CSMD1: variants seen among roughly 807,000 people sequenced by gnomAD.
CSMD1 encodes the protein CUB and Sushi multiple domains 1.
CSMD1 carries 213 observed loss-of-function variants against 417.5 expected under a neutral mutation model. The observed-to-expected ratio is 0.51, with a 90% CI of 0.46 to 0.57. CSMD1 has a LOEUF of 0.57. Among genes scored for constraint, CSMD1 ranks in the 20% least tolerant of loss-of-function variants. The probability of loss-of-function intolerance (pLI) is 0.00; values close to 1 mark genes in which losing one functional copy is unlikely to be tolerated. For missense variants in CSMD1, 6,923 were observed against 4,529.7 expected, an observed-to-expected ratio of 1.53 and a Z score of -15.17; for synonymous variants, 2,862 against 1,736.8, an observed-to-expected ratio of 1.65 and a Z score of -16.11.
chr8:3,456,720 T>A (rs544240713), intron 12 of CSMD1, among the ~76,000 whole-genome samples: 25 of 152,192 alleles, frequency 1.6e-4, no homozygotes, highest in African/African-American at 6.0e-4. Flanking sequence ...GACGAAATAT[T>A]TGGAGCTGTT....
At chr8:4,710,130 G>T (rs1443424420) in intron 1 of CSMD1, among the ~76,000 whole-genome samples, 2 of 151,992 alleles carry the variant, frequency 1.3e-5, no homozygotes, top group African/African-American at 2.4e-5. Flanking sequence ...TCGCCTGGAG[G>T]TTATTCTAAG....
chr8:3,092,646 C>T (rs17079315), intron 47 of CSMD1, among the ~76,000 whole-genome samples: 34,640 of 152,102 alleles, frequency 0.23, 4,270 homozygotes, highest in East Asian at 0.35. Flanking sequence ...GTTTTAAAAA[C>T]GTTGAGACAA....
intron 11 of CSMD1, 39 bp downstream of exon 11, chr8:3,493,584 G>T (rs776375599): frequency 1.3e-6 from 2 of 1,531,576 alleles, no homozygotes; most frequent in Non-Finnish European, 8.9e-7. Context: ...GCCCCGCACT[G>T]CATGCATAAG....
rs190332376 is a variant in CSMD1 at position 4,850,528 on chromosome 8, T to A, written c.85+143804A>T. Reference sequence around the variant, plus strand: ...TATTTTCCAAAATCTTCCATTTCCCTCCTTTGCACCACTCCTCCCCCAGCA... The same window carrying A: ...TATTTTCCAAAATCTTCCATTTCCCACCTTTGCACCACTCCTCCCCCAGCA... On this transcript the variant is annotated intron_variant, in intron 1 of 69. Transcript: ENST00000635120. Among the ~76,000 whole-genome samples, 31 of 151,958 alleles carry A rather than the reference T, an allele frequency of 2.0e-4. No homozygotes were observed. The South Asian group carries it at 2.1e-3, about 10-fold the overall frequency.
chr8:2,950,416 G>A lies in CSMD1; in HGVS notation c.10202-73C>T, dbSNP rs371863339. 8.2e-5 allele frequency: 71 copies of A among 861,274 alleles called. No homozygotes were observed. In the East Asian group the frequency reaches 1.2e-3, roughly 15 times the overall value. The allele number at this position is 861,274 out of a possible 1,614,324, so 53.4% of individuals were successfully genotyped here. On this transcript the variant is annotated intron_variant, in intron 66 of 69. Transcript: ENST00000635120. ...TTCAGCCCTTTAATCCATTTGATGT[G>A]GAATGTGGTACGGAGATGATAATAT...
intron 5 of CSMD1, among the ~76,000 whole-genome samples, chr8:3,996,027 A>G (rs1815186259): frequency 2.0e-5 from 3 of 152,204 alleles, no homozygotes; most frequent in African/African-American, 4.8e-5. Context: ...AGGATGATCA[A>G]TTGTTGCCAT....
At chr8:3,765,087 C>T (rs1343419683) in intron 5 of CSMD1, among the ~76,000 whole-genome samples, 1 of 152,136 alleles carries the variant, frequency 6.6e-6, no homozygotes, top group African/African-American at 2.4e-5. Context: ...AGCTTTCAAA[C>T]ACCCTTAAAA....
intron 41 of CSMD1, among the ~76,000 whole-genome samples, chr8:3,139,998 G>A (rs1158349645): frequency 6.7e-6 from 1 of 150,220 alleles, no homozygotes; most frequent in Non-Finnish European, 1.5e-5. Context: ...CGCCTCCCGA[G>A]TTCAAGTGAT....
intron 5 of CSMD1, among the ~76,000 whole-genome samples, chr8:3,996,594 A>T (rs1815241188): frequency 6.6e-6 from 1 of 152,174 alleles, no homozygotes; most frequent in Non-Finnish European, 1.5e-5. Context: ...ACATAGCGAG[A>T]TAGGTAATAA....
chr8:4,044,821 G>C (rs576688824), intron 3 of CSMD1, among the ~76,000 whole-genome samples: 1 of 127,706 alleles, frequency 7.8e-6, no homozygotes, highest in Admixed American at 7.7e-5. Flanking sequence ...AACCATCCTC[G>C]ATGAGTAGCA....
intron 46 of CSMD1, among the ~76,000 whole-genome samples, chr8:3,098,048 A>T (rs1211123396): frequency 6.6e-6 from 1 of 152,238 alleles, no homozygotes; most frequent in Non-Finnish European, 1.5e-5. Context: ...AAAGCAAAAC[A>T]CTAGAGTCTC....
At chr8:3,818,466 C>G (rs1225686832) in intron 5 of CSMD1, among the ~76,000 whole-genome samples, 1 of 152,150 alleles carries the variant, frequency 6.6e-6, no homozygotes. Context: ...CCAGTGAGCT[C>G]AATGCATGTG....
chr8:3,094,208 T>C (rs890528900), intron 47 of CSMD1, among the ~76,000 whole-genome samples: 2 of 152,096 alleles, frequency 1.3e-5, no homozygotes, highest in Admixed American at 6.5e-5. Flanking sequence ...TGGGCTCAAA[T>C]GATTCTCTTG....
At chr8:4,023,427 G>A (rs553642362) in intron 4 of CSMD1, among the ~76,000 whole-genome samples, 3 of 152,206 alleles carry the variant, frequency 2.0e-5, no homozygotes, top group Middle Eastern at 3.4e-3. Context: ...AATAATTGAG[G>A]CAAAGCCAGC....
intron 2 of CSMD1, among the ~76,000 whole-genome samples, chr8:4,559,995 T>C (rs1379842740): frequency 6.6e-6 from 1 of 152,204 alleles, no homozygotes; most frequent in Non-Finnish European, 1.5e-5. Flanking sequence ...CTGGCTGTGC[T>C]TCAAGAGAAA....
chr8:4,336,875 A>T (rs979436242), intron 3 of CSMD1, among the ~76,000 whole-genome samples: 1 of 152,084 alleles, frequency 6.6e-6, no homozygotes, highest in Non-Finnish European at 1.5e-5. Flanking sequence ...ATTCTGTTAA[A>T]AACATACGGG....
chr8:3,660,172 C>T (rs1465274447), intron 7 of CSMD1, among the ~76,000 whole-genome samples: 1 of 152,178 alleles, frequency 6.6e-6, no homozygotes, highest in African/African-American at 2.4e-5. Context: ...GGCTATTATA[C>T]TGCAGTGGTT....
intron 1 of CSMD1, among the ~76,000 whole-genome samples, chr8:4,753,525 G>C (rs1361089021): frequency 6.6e-6 from 1 of 151,464 alleles, no homozygotes; most frequent in Non-Finnish European, 1.5e-5. Flanking sequence ...CACACTCGTT[G>C]CTCGGTATAC....
intron 18 of CSMD1, among the ~76,000 whole-genome samples, chr8:3,374,384 T>C (rs929611066): frequency 8.5e-5 from 13 of 152,226 alleles, no homozygotes; most frequent in African/African-American, 2.7e-4. Context: ...TTGATGCTTC[T>C]GGGCATAGAA....
Sources: gnomAD v4.1 joint callset for allele counts (sites outside exome capture counted in the v4.1 genomes callset) on GRCh38, gnomAD v4.1.1 for gene constraint, MANE v1.5 for transcripts, NCBI Gene and HGNC (gene_info 2026-07-23, HGNC 2026-07-21) for gene names.